Variants in BTBD19 observed in about 807,000 individuals in gnomAD.
BTBD19 encodes the protein BTB/POZ domain-containing protein 19.
A neutral mutation model predicts 36.1 loss-of-function variants in BTBD19; 20 were observed. The observed-to-expected ratio is 0.55, with a 90% CI of 0.39 to 0.80. The LOEUF (loss-of-function observed/expected upper bound fraction) is 0.80. BTBD19 is among the 30% of genes least tolerant of loss of function. The pLI, the probability that BTBD19 is intolerant of heterozygous loss-of-function variation, is 0.00. For synonymous variants in BTBD19, 157 were observed against 174.3 expected (o/e 0.90, Z 0.78); for missense variants, 325 against 389.8 (o/e 0.83, Z 1.40).
At chr1:44,811,645 G>A (rs1244450886) in intron 3 of BTBD19, 7 of 246,320 alleles carry the variant, frequency 2.8e-5, no homozygotes, top group African/African-American at 1.5e-4. Flanking sequence ...AGTCCAGTCA[G>A]GAGGCTAGTG....
At chr1:44,815,344 A>G (rs1652657545), downstream of BTBD19, 1 of 152,052 alleles carries the variant, frequency 6.6e-6, no homozygotes, top group Non-Finnish European at 1.5e-5. Flanking sequence ...CTCAAATACA[A>G]TCTTTGTATA....
rs779928966 is a variant in BTBD19 at position 44,813,194 on chromosome 1, G to A, written c.540G>A (p.Leu180=). ...TGTCGGCGGCCGCGCTGCTGCCCCTGCTCCGCAGCGACAAGCTCTGCGTGG... is the reference window on the plus strand; with the variant it reads ...TGTCGGCGGCCGCGCTGCTGCCCCTACTCCGCAGCGACAAGCTCTGCGTGG... The change falls in exon 6 of 8, where the codon CTG becomes CTA. Residue 180 remains leucine (L), a synonymous_variant. Coordinates refer to ENST00000450269, the Ensembl canonical transcript of BTBD19. This position sits in a 1 kb window ranked among gnomAD's most constrained non-coding sequence, Gnocchi z 7.8. 6.5e-7 allele frequency: 1 copy of A among 1,536,142 alleles called. No individual in the cohort carries two copies.
At chr1:44,809,592 G>A (rs1652303248) in intron 1 of BTBD19, among the ~76,000 whole-genome samples, 1 of 152,222 alleles carries the variant, frequency 6.6e-6, no homozygotes, top group South Asian at 2.1e-4. Flanking sequence ...TTGGACCTGG[G>A]ACTAAGAGGC....
In BTBD19 at chr1:44,813,092, T is replaced by C. The variant is rs1190281004; in HGVS notation, c.483+28T>C. On this transcript the variant is annotated intron_variant, in intron 5 of 7. Transcript: ENST00000450269. This position sits in a 1 kb window ranked among gnomAD's most constrained non-coding sequence, Gnocchi z 7.8. Reference sequence around the variant, plus strand: ...ACTGCTCCCTTCATACTCCTCACCCTACGCACCGCATTCTGCTCCTCCCTG... The same window carrying C: ...ACTGCTCCCTTCATACTCCTCACCCCACGCACCGCATTCTGCTCCTCCCTG... 6.5e-7 allele frequency: 1 copy of C among 1,546,972 alleles called. No homozygotes were observed. The highest frequency in any genetic ancestry group is 8.7e-7 in the Non-Finnish European group (1 of 1,143,894).
In BTBD19 at chr1:44,813,848, C is replaced by G; in HGVS notation, c.*76C>G. On this transcript the variant is annotated 3_prime_UTR_variant, in exon 8 of 8. Transcript: ENST00000450269. This position sits in a 1 kb window ranked among gnomAD's most constrained non-coding sequence, Gnocchi z 7.8. ...CCCAAACTACAGCTCCCGAAGTGCT[C>G]GGCGTTCGGAGCGGGCTTCCGTTCC... 6.5e-7 allele frequency: 1 copy of G among 1,533,510 alleles called. No individual in the cohort carries two copies. Among genetic ancestry groups the G allele is most frequent in the Non-Finnish European group, 8.8e-7 (1 of 1,132,986 alleles). The allele number at this position is 1,533,510 out of a possible 1,614,324, so 95.0% of individuals were successfully genotyped here.
chr1:44,808,794 C>T (rs762287732), exon 1 of BTBD19: 42 of 1,509,024 alleles, frequency 2.8e-5, no homozygotes, highest in Non-Finnish European at 3.3e-5. Flanking sequence ...CCCAGGCTCC[C>T]TCCTCCACCC....
At position 44,813,887 on chromosome 1, in the gene BTBD19, G is replaced by A; in HGVS notation, c.*115G>A. The A allele has an allele frequency of 6.9e-7, 1 of 1,448,634 alleles. No individual in the cohort carries two copies. Among genetic ancestry groups the A allele is most frequent in the Non-Finnish European group, 9.4e-7 (1 of 1,064,384 alleles). 89.7% of individuals were successfully genotyped at this position (1,448,634 alleles called of 1,614,324 possible). A position where few individuals can be genotyped will look rare whatever the true frequency, so the allele number is the denominator to read the frequency against. On this transcript the variant is annotated 3_prime_UTR_variant, in exon 8 of 8. Coordinates refer to ENST00000450269, the Ensembl canonical transcript of BTBD19. This position sits in a 1 kb window ranked among gnomAD's most constrained non-coding sequence, Gnocchi z 7.8. ...GGCTTCCGTTCCCAGCGTGCCCAGTGAGCCGGGCGCCGGAAGAACCGTTGT... is the reference window on the plus strand; with the variant it reads ...GGCTTCCGTTCCCAGCGTGCCCAGTAAGCCGGGCGCCGGAAGAACCGTTGT...
At position 44,810,144 on chromosome 1, in the gene BTBD19, A is replaced by G; in HGVS notation, c.87-69A>G. ...AGGAAACTAAGACCCAGAGTGGGCA[A>G]AGGCACAGCCCAAGTTGCACTCCGG... On this transcript the variant is annotated intron_variant, in intron 1 of 7. Coordinates refer to ENST00000450269, the Ensembl canonical transcript of BTBD19. The surrounding 1 kb of genome is among the most constrained non-coding windows in gnomAD (Gnocchi z 4.2). The G allele has an allele frequency of 1.4e-6, 2 of 1,382,164 alleles. No homozygotes were observed. The highest frequency in any genetic ancestry group is 2.0e-6 in the Non-Finnish European group (2 of 1,000,148). 85.6% of individuals were successfully genotyped at this position (1,382,164 alleles called of 1,614,324 possible).
Position 44,813,357 on chromosome 1 carries a change from A to G in BTBD19, c.616-17A>G. 1 of 1,544,588 alleles carries G rather than the reference A, an allele frequency of 6.5e-7. No individual in the cohort carries two copies. On this transcript the variant is annotated splice_polypyrimidine_tract_variant and intron_variant, in intron 6 of 7. Coordinates refer to ENST00000450269, the Ensembl canonical transcript of BTBD19. This position sits in a 1 kb window ranked among gnomAD's most constrained non-coding sequence, Gnocchi z 7.8. ...GGGCGGCAGGACAGGTGCCCGACTC[A>G]GGGCTGGCGTTTGCAGGCGGTGCTG...
rs1652369098 is a variant in BTBD19, at chr1:44,810,682, C to T, written c.354+75C>T. On this transcript the variant is annotated intron_variant, in intron 3 of 7. Coordinates refer to ENST00000450269, the Ensembl canonical transcript of BTBD19. This position sits in a 1 kb window ranked among gnomAD's most constrained non-coding sequence, Gnocchi z 4.2. ...CTCACTTCCCGCCCTGCCTCACACA[C>T]ACTCTGGCCTGGAGAGGAACGTGTG... is the stretch of plus-strand genomic sequence containing the variant. 13 of 1,397,840 alleles carry T rather than the reference C, an allele frequency of 9.3e-6. No homozygotes were observed. Among genetic ancestry groups the T allele is most frequent in the African/African-American group, 1.4e-5 (1 of 69,636 alleles). 86.6% of individuals were successfully genotyped at this position (1,397,840 alleles called of 1,614,324 possible).
At chr1:44,809,372 G>T (rs181381780) in intron 1 of BTBD19, among the ~76,000 whole-genome samples, 2 of 152,206 alleles carry the variant, frequency 1.3e-5, no homozygotes, top group Non-Finnish European at 2.9e-5. Context: ...AAGCCTCGGG[G>T]GTGCTGGCTG....
In BTBD19 at chr1:44,813,362, T is replaced by A; in HGVS notation, c.616-12T>A. 7 of 1,545,288 alleles carry A rather than the reference T, an allele frequency of 4.5e-6. No individual in the cohort carries two copies. The highest frequency in any genetic ancestry group is 5.2e-6 in the Non-Finnish European group (6 of 1,146,598). ...GCAGGACAGGTGCCCGACTCAGGGC[T>A]GGCGTTTGCAGGCGGTGCTGGAGCG... is the stretch of plus-strand genomic sequence containing the variant. On this transcript the variant is annotated splice_polypyrimidine_tract_variant and intron_variant, in intron 6 of 7. Transcript: ENST00000450269. The surrounding 1 kb of genome is among the most constrained non-coding windows in gnomAD (Gnocchi z 7.8).
chr1:44,809,020 G>A, intron 1 of BTBD19, 114 bp downstream of exon 1: 1 of 890,636 alleles, frequency 1.1e-6, no homozygotes, highest in Non-Finnish European at 1.6e-6. Flanking sequence ...ATCCTCCCTG[G>A]TGAACTTAGG....
chr1:44,810,759 G>A lies in BTBD19; in HGVS notation c.354+152G>A. 1.6e-6 allele frequency: 1 copy of A among 608,412 alleles called. No individual in the cohort carries two copies. The highest frequency in any genetic ancestry group is 1.9e-5 in the South Asian group (1 of 52,740). The allele number at this position is 608,412 out of a possible 1,614,324, so 37.7% of individuals were successfully genotyped here. ...TCTCCCAAGTAAGTAGGGCATGTAT[G>A]TGTGCCTGTGTGCAAAAGGATCCAT... On this transcript the variant is annotated intron_variant, in intron 3 of 7. Coordinates refer to ENST00000450269, the Ensembl canonical transcript of BTBD19. The surrounding 1 kb of genome is among the most constrained non-coding windows in gnomAD (Gnocchi z 4.2).
At chr1:44,814,170 CTTT>C (rs1557635417), downstream of BTBD19, 1 of 139,670 alleles carries the variant, frequency 7.2e-6, no homozygotes, top group African/African-American at 3.4e-5. Flanking sequence ...TTCTTTCTTT[CTTT>C]CTTTCTTTCT....
Position 44,813,167 on chromosome 1 carries a change from G to C in BTBD19, c.513G>C (p.Glu171Asp). Residue 171 changes from glutamate (E) to aspartate (D), a missense_variant, in exon 6 of 8, where the codon GAG becomes GAC. Coordinates refer to ENST00000450269, the Ensembl canonical transcript of BTBD19. This position sits in a 1 kb window ranked among gnomAD's most constrained non-coding sequence, Gnocchi z 7.8. ...CCCTCCGGACCCGAGGCTTCCTGGA[G>C]CTGTCGGCGGCCGCGCTGCTGCCCC... 1 of 1,547,988 alleles carries C rather than the reference G, an allele frequency of 6.5e-7. No individual in the cohort carries two copies. Among genetic ancestry groups the C allele is most frequent in the Non-Finnish European group, 8.7e-7 (1 of 1,144,964 alleles).
chr1:44,814,211 T>TTTCTTTCTTTCTTTC (rs1491177647), downstream of BTBD19: 4 of 119,734 alleles, frequency 3.3e-5, no homozygotes, highest in Non-Finnish European at 5.1e-5. Context: ...TCTTTCTTTC[T>TTTCTTTCTTTCTTTC]TTTTCTTTCT....
chr1:44,812,850 A>C (rs1397447340), intron 4 of BTBD19, 146 bp from the exon 5 acceptor site: 1 of 554,954 alleles, frequency 1.8e-6, no homozygotes. Flanking sequence ...GCAGGCTTTC[A>C]TTGGGTCTAG....
Position 44,813,926 on chromosome 1 carries a change from C to A in BTBD19, c.*154C>A. ...AAGAACCGTTGTCTGCCACGCGCAG[C>A]CCCTTGTGCGGGATCAAGCCCGTGT... On this transcript the variant is annotated 3_prime_UTR_variant, in exon 8 of 8. Coordinates refer to ENST00000450269, the Ensembl canonical transcript of BTBD19. This position sits in a 1 kb window ranked among gnomAD's most constrained non-coding sequence, Gnocchi z 7.8. 7.9e-7 allele frequency: 1 copy of A among 1,258,738 alleles called. No homozygotes were observed. The highest frequency in any genetic ancestry group is 1.1e-6 in the Non-Finnish European group (1 of 906,830). The allele number at this position is 1,258,738 out of a possible 1,614,324, so 78.0% of individuals were successfully genotyped here.
Sources: gnomAD v4.1 joint callset for allele counts (sites outside exome capture counted in the v4.1 genomes callset) on GRCh38, gnomAD v4.1.1 for gene constraint, Gnocchi (gnomAD v3.1) non-coding constraint, MANE v1.5 for transcripts, NCBI Gene and HGNC (gene_info 2026-07-23, HGNC 2026-07-21) for gene names.